Variants in SHISA9 observed in about 807,000 individuals in gnomAD.
The protein encoded by SHISA9 is protein shisa-9.
A neutral mutation model predicts 38.0 loss-of-function variants in SHISA9; 13 were observed. The observed-to-expected ratio is 0.34, with a 90% CI of 0.22 to 0.54. The LOEUF (loss-of-function observed/expected upper bound fraction) is 0.54, where lower values mean the gene tolerates loss of function less well. Among genes scored for constraint, SHISA9 ranks in the 20% least tolerant of loss-of-function variants. The probability of loss-of-function intolerance (pLI) is 0.91; values close to 1 mark genes in which losing one functional copy is unlikely to be tolerated. For missense variants in SHISA9, 538 were observed against 575.8 expected (o/e 0.93, Z 0.67); for synonymous variants, 275 against 242.0 (o/e 1.14, Z -1.27).
the SHISA9 span, among the ~76,000 whole-genome samples, chr16:13,449,225 A>G: frequency 6.6e-6 from 1 of 152,226 alleles, no homozygotes; most frequent in African/African-American, 2.4e-5. Flanking sequence ...TTAAAATTTT[A>G]AAATGTACAA....
the SHISA9 span, among the ~76,000 whole-genome samples, chr16:13,279,836 C>A: frequency 1.3e-5 from 2 of 151,844 alleles, no homozygotes; most frequent in African/African-American, 4.8e-5. Context: ...GAAGAATTAT[C>A]TGTTTTAGTA....
At chr16:13,363,660 A>G in the SHISA9 span, among the ~76,000 whole-genome samples, 2 of 152,194 alleles carry the variant, frequency 1.3e-5, no homozygotes, top group Non-Finnish European at 2.9e-5. Flanking sequence ...GGGATCATGA[A>G]AGGTAGAGCT....
chr16:13,425,497 A>G, the SHISA9 span, among the ~76,000 whole-genome samples: 3 of 152,118 alleles, frequency 2.0e-5, no homozygotes, highest in African/African-American at 4.8e-5. Context: ...AAACAAAAAC[A>G]AAAACTAAAA....
chr16:13,298,287 CT>C, the SHISA9 span, among the ~76,000 whole-genome samples: 1 of 152,120 alleles, frequency 6.6e-6, no homozygotes, highest in Non-Finnish European at 1.5e-5. Context: ...CTGGAAGGAA[CT>C]GATGATCAAA....
chr16:13,216,048 G>A (rs28495658), intron 4 of SHISA9, among the ~76,000 whole-genome samples: 24 of 152,146 alleles, frequency 1.6e-4, no homozygotes, highest in Admixed American at 1.0e-3. Context: ...TTAGCCAGGC[G>A]TGGTGGCACG....
chr16:13,264,448 C>A, the SHISA9 span, among the ~76,000 whole-genome samples: 1 of 151,992 alleles, frequency 6.6e-6, no homozygotes, highest in Admixed American at 6.6e-5. Context: ...GCTAGGATTA[C>A]AGGCTTGAGC....
chr16:13,562,218 A>G, the SHISA9 span, among the ~76,000 whole-genome samples: 8 of 152,350 alleles, frequency 5.3e-5, no homozygotes, highest in African/African-American at 1.9e-4. Context: ...TGGAACAGGT[A>G]TTATGAATCA....
At chr16:13,259,108 G>A in the SHISA9 span, among the ~76,000 whole-genome samples, 1 of 152,160 alleles carries the variant, frequency 6.6e-6, no homozygotes, top group Non-Finnish European at 1.5e-5. Context: ...ATACAATGGG[G>A]GTACAGGTAT....
intron 2 of SHISA9, among the ~76,000 whole-genome samples, chr16:13,101,751 A>G (rs1379477627): frequency 3.3e-5 from 5 of 152,210 alleles, no homozygotes; most frequent in African/African-American, 1.2e-4. Flanking sequence ...CCAACAGTGG[A>G]TAAGGGTTCC....
chr16:12,960,294 TA>T (rs1416764203), intron 2 of SHISA9, among the ~76,000 whole-genome samples: 6 of 152,334 alleles, frequency 3.9e-5, no homozygotes, highest in Middle Eastern at 3.4e-3. Context: ...ATTATTTTAT[TA>T]TTTTTTTTAA....
chr16:13,394,886 C>T, the SHISA9 span, among the ~76,000 whole-genome samples: 2 of 152,028 alleles, frequency 1.3e-5, no homozygotes, highest in Non-Finnish European at 2.9e-5. Context: ...GGGCCCCTCC[C>T]TTCCTCTGCC....
intron 2 of SHISA9, among the ~76,000 whole-genome samples, chr16:12,946,686 TG>T (rs1032908339): frequency 6.6e-6 from 1 of 152,210 alleles, no homozygotes; most frequent in East Asian, 1.9e-4. Context: ...GGCTGGAGGT[TG>T]GGGGCCGAGT....
At chr16:13,137,086 T>A (rs1209507318) in intron 2 of SHISA9, among the ~76,000 whole-genome samples, 1 of 152,216 alleles carries the variant, frequency 6.6e-6, no homozygotes, top group Non-Finnish European at 1.5e-5. Flanking sequence ...ATGTATCCTT[T>A]CCCTTTCAGG....
chr16:13,348,282 A>G, the SHISA9 span, among the ~76,000 whole-genome samples: 1,352 of 152,218 alleles, frequency 8.9e-3, 23 homozygotes, highest in African/African-American at 0.031. Flanking sequence ...TTCGTAATCC[A>G]AAATGCTCCA....
chr16:13,376,396 C>T, the SHISA9 span, among the ~76,000 whole-genome samples: 1 of 152,196 alleles, frequency 6.6e-6, no homozygotes, highest in Non-Finnish European at 1.5e-5. Context: ...ATGATGTCAA[C>T]ACACTTATAT....
intron 2 of SHISA9, among the ~76,000 whole-genome samples, chr16:13,093,222 G>C (rs144209230): frequency 6.6e-6 from 1 of 152,098 alleles, no homozygotes; most frequent in Non-Finnish European, 1.5e-5. Context: ...CTTCAACCTA[G>C]GGTGACAAGA....
At chr16:12,978,034 A>G (rs4781369) in intron 2 of SHISA9, among the ~76,000 whole-genome samples, 62,104 of 151,944 alleles carry the variant, frequency 0.41, 13,025 homozygotes, top group African/African-American at 0.41. Context: ...GGGTGAATAA[A>G]GATGGGGGAG....
intron 2 of SHISA9, among the ~76,000 whole-genome samples, chr16:13,155,361 G>A (rs1323270916): frequency 6.6e-6 from 1 of 152,188 alleles, no homozygotes. Flanking sequence ...GAAATGGATT[G>A]AAATGGAAAA....
At chr16:13,218,426 G>T (rs1037550484) in intron 4 of SHISA9, among the ~76,000 whole-genome samples, 2 of 152,134 alleles carry the variant, frequency 1.3e-5, no homozygotes, top group Non-Finnish European at 2.9e-5. Context: ...ACATACCGGC[G>T]TTCTTCCCAA....
Sources: gnomAD v4.1 joint callset for allele counts (sites outside exome capture counted in the v4.1 genomes callset) on GRCh38, gnomAD v4.1.1 for gene constraint, MANE v1.5 for transcripts, NCBI Gene and HGNC (gene_info 2026-07-23, HGNC 2026-07-21) for gene names.